The following LYRM7 variants were observed in gnomAD, a reference collection of about 807,000 sequenced individuals.
The protein encoded by LYRM7 is LYR motif containing 7, also known as complex III assembly factor LYRM7.
Under a neutral mutation model 15.8 loss-of-function variants are expected in LYRM7, and 9 were observed. The ratio of observed to expected loss-of-function variants is 0.57; its 90% CI spans 0.34 to 0.99. LYRM7 has a LOEUF of 0.99. LYRM7 is among the 50% of genes least tolerant of loss of function. The pLI, the probability that LYRM7 is intolerant of heterozygous loss-of-function variation, is 0.02. For missense variants in LYRM7, 115 were observed against 119.1 expected (o/e 0.97, Z 0.16); for synonymous variants, 39 against 39.4 (o/e 0.99, Z 0.04).
chr5:131,190,689 C>G (rs974281067), intron 4 of LYRM7, among the ~76,000 whole-genome samples: 7 of 151,966 alleles, frequency 4.6e-5, no homozygotes, highest in African/African-American at 1.5e-4. Context: ...CAAGGTTTCA[C>G]CATGTTGGCC....
chr5:131,200,731 C>T lies in LYRM7; in HGVS notation c.*1130C>T, dbSNP rs924246104. On this transcript the variant is annotated 3_prime_UTR_variant, in exon 5 of 5. Transcript: ENST00000379380. ...CTTTTAAGAGAATGCTGAATGTCAT[C>T]GCAGTATATAATCACTATATAAATG... The T allele has an allele frequency of 4.6e-5, 7 of 152,202 alleles. No homozygotes were observed. The highest frequency in any genetic ancestry group is 1.4e-4 in the African/African-American group (6 of 41,392). The allele number at this position is 152,202 out of a possible 1,614,324, so 9.4% of individuals were successfully genotyped here. A position where few individuals can be genotyped will look rare whatever the true frequency, so the allele number is the denominator to read the frequency against.
At chr5:131,176,774 G>A (rs551320430) in intron 1 of LYRM7, among the ~76,000 whole-genome samples, 4 of 152,128 alleles carry the variant, frequency 2.6e-5, no homozygotes, top group African/African-American at 7.2e-5. Flanking sequence ...CCACAAAGGC[G>A]TACCCTTTGC....
At chr5:131,180,786 A>G (rs984704547) in intron 2 of LYRM7, among the ~76,000 whole-genome samples, 1 of 152,220 alleles carries the variant, frequency 6.6e-6, no homozygotes, top group African/African-American at 2.4e-5. Context: ...TATGTATTGT[A>G]TTATATGTAC....
intron 2 of LYRM7, among the ~76,000 whole-genome samples, chr5:131,180,863 T>C (rs977941217): frequency 5.9e-5 from 9 of 152,206 alleles, no homozygotes; most frequent in Non-Finnish European, 1.5e-5. Flanking sequence ...TAATTCCTAT[T>C]TTTACAAATG....
intron 4 of LYRM7, among the ~76,000 whole-genome samples, chr5:131,187,471 T>G (rs1348692444): frequency 1.3e-5 from 2 of 148,738 alleles, no homozygotes; most frequent in Non-Finnish European, 3.0e-5. Context: ...TGTTTTTTGT[T>G]TTTTTGTTTT....
At chr5:131,177,969 T>C (rs1365674958) in intron 1 of LYRM7, among the ~76,000 whole-genome samples, 2 of 152,202 alleles carry the variant, frequency 1.3e-5, no homozygotes, top group Non-Finnish European at 2.9e-5. Context: ...CTTTCACCTG[T>C]TTGATAGCCA....
At chr5:131,172,587 C>A (rs141865024) in intron 1 of LYRM7, among the ~76,000 whole-genome samples, 80 of 152,212 alleles carry the variant, frequency 5.3e-4, no homozygotes, top group Middle Eastern at 3.4e-3. Context: ...AAGTAGGATT[C>A]ATTCCAAAAA....
intron 3 of LYRM7, among the ~76,000 whole-genome samples, chr5:131,182,783 G>A (rs1755734930): frequency 6.6e-6 from 1 of 152,050 alleles, no homozygotes; most frequent in African/African-American, 2.4e-5. Flanking sequence ...TGAAGACACT[G>A]TACAGACACT....
intron 4 of LYRM7, among the ~76,000 whole-genome samples, chr5:131,188,385 C>T (rs955375291): frequency 1.1e-4 from 16 of 146,266 alleles, no homozygotes; most frequent in African/African-American, 3.3e-4. Flanking sequence ...ACCCATGTAA[C>T]CAACATGTAA....
intron 4 of LYRM7, among the ~76,000 whole-genome samples, chr5:131,190,512 C>T (rs1433339769): frequency 4.4e-5 from 6 of 137,834 alleles, no homozygotes; most frequent in Non-Finnish European, 6.2e-5. Flanking sequence ...TTCTTTGAAA[C>T]GGATTTTCGC....
chr5:131,173,119 C>A (rs1453755793), intron 1 of LYRM7, among the ~76,000 whole-genome samples: 1 of 152,168 alleles, frequency 6.6e-6, no homozygotes, highest in Admixed American at 6.5e-5. Context: ...TAATCCCATG[C>A]AACATGTCTT....
At chr5:131,175,791 C>T (rs1422602321) in intron 1 of LYRM7, among the ~76,000 whole-genome samples, 2 of 145,214 alleles carry the variant, frequency 1.4e-5, no homozygotes, top group African/African-American at 2.8e-5. Context: ...GATGGAATCT[C>T]GATGTCACCC....
At chr5:131,187,523 C>T (rs1348044643) in intron 4 of LYRM7, among the ~76,000 whole-genome samples, 1 of 150,512 alleles carries the variant, frequency 6.6e-6, no homozygotes, top group African/African-American at 2.4e-5. Context: ...CTCACTCTGT[C>T]GCCCAGGCTG....
chr5:131,182,152 T>A, intron 2 of LYRM7, 77 bp from the exon 3 acceptor site: 1 of 1,223,204 alleles, frequency 8.2e-7, no homozygotes. Context: ...CCATTCATAG[T>A]GAATAATGTG....
intron 4 of LYRM7, 57 bp from the exon 5 acceptor site, chr5:131,199,474 T>C (rs1756022567): frequency 4.1e-6 from 5 of 1,209,148 alleles, no homozygotes; most frequent in Non-Finnish European, 4.7e-6. Flanking sequence ...TGAGTGTCCT[T>C]GCATTTAATT....
At chr5:131,186,957 C>A in intron 3 of LYRM7, 71 bp from the exon 4 acceptor site, 1 of 831,898 alleles carries the variant, frequency 1.2e-6, no homozygotes, top group South Asian at 1.6e-5. Context: ...GTAAAACTAT[C>A]GTTTTCAAAA....
At chr5:131,195,173 CAGG>C (rs1294621749) in intron 4 of LYRM7, among the ~76,000 whole-genome samples, 1 of 151,994 alleles carries the variant, frequency 6.6e-6, no homozygotes, top group Non-Finnish European at 1.5e-5. Context: ...GAGGCTGAGG[CAGG>C]AGAATTGCTT....
intron 4 of LYRM7, among the ~76,000 whole-genome samples, chr5:131,190,489 C>CTTT: frequency 7.1e-6 from 1 of 140,192 alleles, no homozygotes; most frequent in Non-Finnish European, 1.6e-5. Context: ...CCACCGTGCC[C>CTTT]TTTTTTTTTT....
At chr5:131,176,778 C>G (rs1436214887) in intron 1 of LYRM7, among the ~76,000 whole-genome samples, 1 of 152,082 alleles carries the variant, frequency 6.6e-6, no homozygotes, top group Non-Finnish European at 1.5e-5. Flanking sequence ...AAAGGCGTAC[C>G]CTTTGCTTAG....
Sources: gnomAD v4.1 joint callset for allele counts (sites outside exome capture counted in the v4.1 genomes callset) on GRCh38, gnomAD v4.1.1 for gene constraint, MANE v1.5 for transcripts, NCBI Gene and HGNC (gene_info 2026-07-23, HGNC 2026-07-21) for gene names.